TPTE: variants seen among roughly 807,000 people sequenced by gnomAD.
TPTE encodes the protein putative tyrosine-protein phosphatase TPTE.
A neutral mutation model predicts 84.1 loss-of-function variants in TPTE; 59 were observed. The ratio of observed to expected loss-of-function variants is 0.70; its 90% CI spans 0.57 to 0.87. The LOEUF is 0.87. TPTE is among the 40% of genes least tolerant of loss of function. TPTE has a pLI of 0.00. For missense variants in TPTE, 382 were observed against 659.6 expected, an observed-to-expected ratio of 0.58 and a Z score of 4.61; for synonymous variants, 130 against 223.5, an observed-to-expected ratio of 0.58 and a Z score of 3.73.
At chr21:10,562,195 T>G (rs1025695144) in intron 10 of TPTE, among the ~76,000 whole-genome samples, 6 of 152,306 alleles carry the variant, frequency 3.9e-5, no homozygotes, top group Admixed American at 3.9e-4. Flanking sequence ...GGGTGCCCCC[T>G]AAAGCAGATA....
intron 3 of TPTE, among the ~76,000 whole-genome samples, chr21:10,536,893 C>T: frequency 6.6e-6 from 1 of 152,312 alleles, no homozygotes; most frequent in East Asian, 1.9e-4. Context: ...TGCAGAGCAA[C>T]AAGCGAGTAG....
At chr21:10,557,293 T>C (rs1186730900) in intron 8 of TPTE, among the ~76,000 whole-genome samples, 2 of 152,312 alleles carry the variant, frequency 1.3e-5, no homozygotes, top group Non-Finnish European at 2.9e-5. Flanking sequence ...CCCTGCAAAC[T>C]CTGCACATAA....
chr21:10,529,407 A>G (rs1302405099), intron 3 of TPTE, among the ~76,000 whole-genome samples: 1 of 152,312 alleles, frequency 6.6e-6, no homozygotes, highest in African/African-American at 2.4e-5. Flanking sequence ...AGCTACTTTT[A>G]GATATTTTTG....
chr21:10,564,446 G>A (rs1434023914), intron 10 of TPTE, among the ~76,000 whole-genome samples: 6 of 152,308 alleles, frequency 3.9e-5, no homozygotes, highest in African/African-American at 9.6e-5. Context: ...GGAGGCAGAG[G>A]TTGCAGTGAG....
intron 8 of TPTE, among the ~76,000 whole-genome samples, chr21:10,556,433 A>G (rs1286959240): frequency 6.6e-6 from 1 of 152,312 alleles, no homozygotes; most frequent in African/African-American, 2.4e-5. Context: ...TTCTTCATCC[A>G]GTCTATCATT....
intron 2 of TPTE, 86 bp from the exon 3 acceptor site, chr21:10,527,269 C>G (rs1355749035): frequency 1.3e-5 from 2 of 152,736 alleles, no homozygotes; most frequent in African/African-American, 4.8e-5. Context: ...TTTTTTGTGT[C>G]CTGAAATACT....
chr21:10,546,003 G>C (rs535947477), intron 7 of TPTE, among the ~76,000 whole-genome samples: 40 of 152,230 alleles, frequency 2.6e-4, no homozygotes, highest in Non-Finnish European at 5.6e-4. Context: ...ATACATATAT[G>C]TGTGTGTATA....
intron 17 of TPTE, among the ~76,000 whole-genome samples, chr21:10,589,171 C>T (rs538046320): frequency 9.0e-4 from 136 of 151,930 alleles, no homozygotes; most frequent in African/African-American, 3.1e-3. Flanking sequence ...CTTTCCTTTC[C>T]TATAATATTA....
chr21:10,587,115 T>C (rs2075380478), intron 17 of TPTE, among the ~76,000 whole-genome samples: 1 of 152,312 alleles, frequency 6.6e-6, no homozygotes, highest in Admixed American at 6.5e-5. Context: ...ATGAATATGA[T>C]AAATTGCATT....
intron 7 of TPTE, among the ~76,000 whole-genome samples, chr21:10,551,103 T>G (rs892289053): frequency 2.6e-5 from 4 of 152,416 alleles, no homozygotes; most frequent in Admixed American, 1.3e-4. Flanking sequence ...GCAAAAGCAG[T>G]TATTAAGAAC....
At position 10,576,856 on chromosome 21, in the gene TPTE, T is replaced by C. The variant is rs1271828179; in HGVS notation, c.796-604T>C. ...ATATATACATATATATATATATATATATATATATATATATATATATAGACA... is the reference window on the plus strand; with the variant it reads ...ATATATACATATATATATATATATACATATATATATATATATATATAGACA... On this transcript the variant is annotated intron_variant, in intron 14 of 23. Transcript: ENST00000618007. Among the ~76,000 whole-genome samples, 6 of 97,032 alleles carry C rather than the reference T, an allele frequency of 6.2e-5. No homozygotes were observed. The African/African-American group carries it at 6.6e-4, about 11-fold the overall frequency. The allele number at this position is 97,032 out of a possible 152,430, so 63.7% of individuals were successfully genotyped here.
At chr21:10,604,165 T>G (rs1385191669) in intron 23 of TPTE, among the ~76,000 whole-genome samples, 1 of 152,312 alleles carries the variant, frequency 6.6e-6, no homozygotes, top group Non-Finnish European at 1.5e-5. Context: ...CATTCAAATA[T>G]GGCTTTCTAA....
At chr21:10,549,521 C>T (rs1336623090) in intron 7 of TPTE, among the ~76,000 whole-genome samples, 1 of 152,282 alleles carries the variant, frequency 6.6e-6, no homozygotes, top group Non-Finnish European at 1.5e-5. Context: ...AAACAGAAGC[C>T]CTAAGAGCTA....
chr21:10,546,638 T>A (rs376736682), intron 7 of TPTE, among the ~76,000 whole-genome samples: 104 of 152,378 alleles, frequency 6.8e-4, no homozygotes, highest in African/African-American at 2.4e-3. Flanking sequence ...ATACAAATGT[T>A]GAGAAAGCAA....
chr21:10,603,681 A>G (rs369409055), intron 23 of TPTE, 49 bp downstream of exon 23: 29 of 1,594,548 alleles, frequency 1.8e-5, no homozygotes, highest in Middle Eastern at 1.7e-4. Flanking sequence ...TTCAATGTCT[A>G]TGTATAAGGT....
intron 3 of TPTE, among the ~76,000 whole-genome samples, chr21:10,529,846 T>A (rs2074145340): frequency 6.6e-6 from 1 of 152,312 alleles, no homozygotes; most frequent in Non-Finnish European, 1.5e-5. Flanking sequence ...AAAACTTTCA[T>A]GCCCTAGTTT....
chr21:10,536,677 T>G (rs2074272908), intron 3 of TPTE, among the ~76,000 whole-genome samples: 1 of 152,312 alleles, frequency 6.6e-6, no homozygotes, highest in Admixed American at 6.5e-5. Flanking sequence ...ACAGAATGTC[T>G]TTTACACTGT....
chr21:10,561,635 T>C (rs1378303982), intron 10 of TPTE, among the ~76,000 whole-genome samples: 1 of 152,306 alleles, frequency 6.6e-6, no homozygotes, highest in Non-Finnish European at 1.5e-5. Context: ...TGGCCATGGA[T>C]TGATGCTCCT....
rs532085273 is a variant in TPTE, at chr21:10,570,309, T to C, written c.731-176T>C. 2.0e-5 allele frequency among the ~76,000 whole-genome samples: 3 copies of C among 152,406 alleles called. No homozygotes were observed. The South Asian group carries it at 6.2e-4, about 32-fold the overall frequency. ...CCATGGCAGTTTAATGGTCATTGTG[T>C]TGGATAATTTAATATGTTATTTGAT... is the stretch of plus-strand genomic sequence containing the variant. On this transcript the variant is annotated intron_variant, in intron 13 of 23. Transcript: ENST00000618007.
Sources: allele counts gnomAD v4.1 joint callset (sites outside exome capture counted in the v4.1 genomes callset), GRCh38; gene constraint gnomAD v4.1.1; transcripts MANE v1.5; gene names NCBI Gene and HGNC (gene_info 2026-07-23, HGNC 2026-07-21).